The following GSG1L variants were observed in gnomAD, a reference collection of about 807,000 sequenced individuals.
GSG1L encodes GSG1 like.
GSG1L carries 24 observed loss-of-function variants against 42.1 expected under a neutral mutation model. That is an observed-to-expected ratio of 0.57 (90% CI 0.41 to 0.80). The LOEUF (loss-of-function observed/expected upper bound fraction) is 0.80, where lower values mean the gene tolerates loss of function less well. Ranked by LOEUF, GSG1L falls within the 30% of genes least tolerant of loss-of-function variation. GSG1L has a pLI of 0.00. For missense variants in GSG1L, 445 were observed against 472.2 expected (o/e 0.94, Z 0.53); for synonymous variants, 215 against 203.5 (o/e 1.06, Z -0.48).
intron 2 of GSG1L, among the ~76,000 whole-genome samples, chr16:27,948,450 T>G (rs1326341876): frequency 1.3e-5 from 2 of 152,098 alleles, no homozygotes; most frequent in African/African-American, 2.4e-5. Flanking sequence ...ACTGGCTCAC[T>G]TCAACCTCCA....
chr16:27,962,692 G>A (rs1038551701), intron 2 of GSG1L, among the ~76,000 whole-genome samples: 5 of 151,936 alleles, frequency 3.3e-5, no homozygotes, highest in East Asian at 1.9e-4. Flanking sequence ...CTCTGCTGTC[G>A]GGCTCTGAAC....
chr16:27,853,805 C>G (rs2083542816), intron 3 of GSG1L, among the ~76,000 whole-genome samples: 1 of 152,148 alleles, frequency 6.6e-6, no homozygotes, highest in South Asian at 2.1e-4. Flanking sequence ...AGGCTCTGAT[C>G]CCCCAGGTGG....
Position 27,845,379 on chromosome 16 carries a change from C to A in GSG1L, c.551-318G>T, listed in dbSNP as rs149952302. 9.2e-3 allele frequency among the ~76,000 whole-genome samples: 1,403 copies of A among 152,280 alleles called. 7 individuals are homozygous for A. Among genetic ancestry groups the A allele is most frequent in the Admixed American group, 0.017 (266 of 15,306 alleles). ...AAGTAGCTGGGACTACAGGTGTATG[C>A]CACTATGACAGGCCAATTTTTTGTA... On this transcript the variant is annotated intron_variant, in intron 3 of 6. Transcript: ENST00000447459.
intron 3 of GSG1L, among the ~76,000 whole-genome samples, chr16:27,853,896 T>C (rs2083543649): frequency 6.6e-6 from 1 of 152,062 alleles, no homozygotes; most frequent in African/African-American, 2.4e-5. Flanking sequence ...GGTGGGACGA[T>C]ATCTGACATT....
In GSG1L at chr16:27,844,808, G is replaced by T. The variant is rs542827815; in HGVS notation, c.662+142C>A. 5.8e-6 allele frequency: 3 copies of T among 515,270 alleles called. No individual in the cohort carries two copies. The Admixed American group carries it at 9.0e-5, about 15-fold the overall frequency. 31.9% of individuals were successfully genotyped at this position (515,270 alleles called of 1,614,324 possible). A position where few individuals can be genotyped will look rare whatever the true frequency, so the allele number is the denominator to read the frequency against. ...AATCCCTGCCCTGGGGTCTTAAAGC[G>T]CCTTTGGACTACAGCCCCTCCAACT... On this transcript the variant is annotated intron_variant, in intron 4 of 6. Coordinates refer to ENST00000447459, the MANE Select transcript of GSG1L (RefSeq NM_001109763.2).
intron 1 of GSG1L, among the ~76,000 whole-genome samples, chr16:28,016,491 A>G (rs1048087857): frequency 6.6e-6 from 1 of 152,202 alleles, no homozygotes; most frequent in Non-Finnish European, 1.5e-5. Context: ...GCTAGTTTGG[A>G]GCTTAGTGCA....
chr16:27,881,310 C>T (rs1415184586), intron 3 of GSG1L, among the ~76,000 whole-genome samples: 1 of 141,754 alleles, frequency 7.1e-6, no homozygotes, highest in African/African-American at 2.6e-5. Context: ...TGTGCGATCT[C>T]GGTTCACTGC....
rs188145907 is a variant in GSG1L at position 27,884,423 on chromosome 16, C to T, written c.550+63G>A. The T allele has an allele frequency of 4.0e-6, 6 of 1,506,142 alleles. No homozygotes were observed. The African/African-American group carries it at 4.1e-5, about 10-fold the overall frequency. The allele number at this position is 1,506,142 out of a possible 1,614,324, so 93.3% of individuals were successfully genotyped here. On this transcript the variant is annotated intron_variant, in intron 3 of 6. Transcript: ENST00000447459. The surrounding 1 kb of genome is among the most constrained non-coding windows in gnomAD (Gnocchi z 4.4). ...TCCCGGTTGGTACAACCAGGGCTTA[C>T]TCCAAGGGCAGCACCCTTTCTCGCC... is the stretch of plus-strand genomic sequence containing the variant.
At chr16:28,013,829 C>G (rs1322263556) in intron 1 of GSG1L, among the ~76,000 whole-genome samples, 2 of 152,252 alleles carry the variant, frequency 1.3e-5, no homozygotes, top group Non-Finnish European at 2.9e-5. Flanking sequence ...CATGGCCATG[C>G]AAAGCTCTTG....
At chr16:27,826,381 TC>T (rs1006775314) in intron 5 of GSG1L, among the ~76,000 whole-genome samples, 15 of 152,172 alleles carry the variant, frequency 9.9e-5, no homozygotes, top group African/African-American at 3.1e-4. Flanking sequence ...CAGCCTCCTG[TC>T]CCCTTCCTCG....
At position 27,913,070 on chromosome 16, in the gene GSG1L, G is replaced by A. The variant is rs117443185; in HGVS notation, c.398-28432C>T. 2.6e-3 allele frequency among the ~76,000 whole-genome samples: 399 copies of A among 152,064 alleles called. 6 individuals carry two copies. In the East Asian group the frequency reaches 0.056, roughly 21 times the overall value. On this transcript the variant is annotated intron_variant, in intron 2 of 6. Coordinates refer to ENST00000447459, the MANE Select transcript of GSG1L (RefSeq NM_001109763.2). ...ACTCCTGGGCTCAAGTGATCCTCCT[G>A]CCTCAGCCTCCCAAAGTGCTGGGAT...
Position 27,947,589 on chromosome 16 carries a change from GAAA to G in GSG1L, c.397+15564_397+15566del, listed in dbSNP as rs1567530946. ...AGAAAGAAAGAAAGAAAGAAAGAAA[GAAA>G]GAAAGAAAAAGAAAGAAAGAAAAAG... On this transcript the variant is annotated intron_variant, in intron 2 of 6. Transcript: ENST00000447459. 9.9e-3 allele frequency among the ~76,000 whole-genome samples: 1,101 copies of G among 111,230 alleles called. 26 individuals are homozygous for G. The highest frequency in any genetic ancestry group is 0.035 in the African/African-American group (1,047 of 29,934). 73.0% of individuals were successfully genotyped at this position (111,230 alleles called of 152,430 possible).
chr16:28,057,247 G>A (rs2086289880), intron 1 of GSG1L, among the ~76,000 whole-genome samples: 1 of 152,170 alleles, frequency 6.6e-6, no homozygotes. Flanking sequence ...ACCGGGTGGA[G>A]AAACGGACCA....
At chr16:27,895,947 A>G (rs1378664846) in intron 2 of GSG1L, among the ~76,000 whole-genome samples, 1 of 152,098 alleles carries the variant, frequency 6.6e-6, no homozygotes, top group Non-Finnish European at 1.5e-5. Context: ...CTGCATAACC[A>G]TCTTGTCTAG....
intron 1 of GSG1L, among the ~76,000 whole-genome samples, chr16:28,011,534 G>A (rs760423625): frequency 1.3e-5 from 2 of 152,214 alleles, no homozygotes; most frequent in Non-Finnish European, 2.9e-5. Flanking sequence ...GCCATGTGTG[G>A]CCCAGTCCTG....
At chr16:27,887,793 C>A (rs1384651817) in intron 2 of GSG1L, among the ~76,000 whole-genome samples, 1 of 151,858 alleles carries the variant, frequency 6.6e-6, no homozygotes, top group Non-Finnish European at 1.5e-5. Context: ...CCCTTTTTTT[C>A]TTTTCTTTTC....
At chr16:27,916,858 A>C (rs2084462598) in intron 2 of GSG1L, among the ~76,000 whole-genome samples, 1 of 131,598 alleles carries the variant, frequency 7.6e-6, no homozygotes, top group Admixed American at 8.7e-5. Flanking sequence ...TTAATGGAAA[A>C]AATAAAATTA....
intron 1 of GSG1L, among the ~76,000 whole-genome samples, chr16:28,048,384 T>C (rs1004083683): frequency 3.3e-5 from 5 of 152,186 alleles, no homozygotes; most frequent in African/African-American, 1.2e-4. Flanking sequence ...CTATCATTCA[T>C]TAAATTATAA....
At chr16:27,872,635 G>C (rs1315487357) in intron 3 of GSG1L, among the ~76,000 whole-genome samples, 4 of 152,156 alleles carry the variant, frequency 2.6e-5, no homozygotes, top group Non-Finnish European at 4.4e-5. Context: ...GATAAAACAG[G>C]TTGCGGTAAA....
Sources: allele counts gnomAD v4.1 joint callset (sites outside exome capture counted in the v4.1 genomes callset), GRCh38; gene constraint gnomAD v4.1.1; non-coding constraint Gnocchi (gnomAD v3.1); transcripts MANE v1.5; gene names NCBI Gene and HGNC (gene_info 2026-07-23, HGNC 2026-07-21).